TRAK1: variants seen among roughly 807,000 people sequenced by gnomAD.
The protein encoded by TRAK1 is trafficking kinesin-binding protein 1.
Under a neutral mutation model 92.1 loss-of-function variants are expected in TRAK1, and 33 were observed. The ratio of observed to expected loss-of-function variants is 0.36; its 90% confidence interval spans 0.27 to 0.48. The LOEUF is 0.48. Among genes scored for constraint, TRAK1 ranks in the 20% least tolerant of loss-of-function variants. The pLI, the probability that TRAK1 is intolerant of heterozygous loss-of-function variation, is 0.99. For synonymous variants in TRAK1, 521 were observed against 517.3 expected (o/e 1.01, Z -0.10); for missense variants, 1,123 against 1,257.9 (o/e 0.89, Z 1.62).
intron 14 of TRAK1, among the ~76,000 whole-genome samples, chr3:42,216,745 C>A (rs1215391581): frequency 2.0e-5 from 3 of 152,106 alleles, no homozygotes; most frequent in African/African-American, 7.2e-5. Flanking sequence ...ATTGGTAAAT[C>A]CAAATTCATT....
In TRAK1 at chr3:42,193,203, G is replaced by A. The variant is rs546714342; in HGVS notation, c.898G>A (p.Ala300Thr). 1.1e-5 allele frequency: 17 copies of A among 1,613,942 alleles called. No homozygotes were observed. In the East Asian group the frequency reaches 3.3e-4, roughly 32 times the overall value. ...AGTTGATTTGCAGAAAAAGGCAAAA[G>A]CTGTAAGGCTTCTCTGTTTATCTGG... ...QIVDLQKKAK[A>T]CAVENEELVQ... The change falls in exon 8 of 16, where the codon GCT becomes ACT. Residue 300 changes from alanine (A) to threonine (T), a missense_variant and splice_region_variant. By Grantham distance (58) the Ala-to-Thr change is moderately conservative. Coordinates refer to ENST00000327628, the MANE Select transcript of TRAK1 (RefSeq NM_001042646.3).
intron 2 of TRAK1, among the ~76,000 whole-genome samples, chr3:42,132,888 A>G (rs972595807): frequency 3.3e-5 from 5 of 152,088 alleles, no homozygotes; most frequent in African/African-American, 9.7e-5. Flanking sequence ...CGGAAAGTGG[A>G]TTGTTCCCCC....
intron 1 of TRAK1, among the ~76,000 whole-genome samples, chr3:42,082,048 T>C (rs1213307917): frequency 6.6e-6 from 1 of 152,156 alleles, no homozygotes; most frequent in Non-Finnish European, 1.5e-5. Context: ...CCCTTTTGAG[T>C]CTTGAGTGAG....
chr3:42,065,691 G>T (rs2148930945), intron 1 of TRAK1, among the ~76,000 whole-genome samples: 1 of 152,208 alleles, frequency 6.6e-6, no homozygotes, highest in East Asian at 1.9e-4. Context: ...GTGCAGTAGT[G>T]CCATCATGAC....
intron 1 of TRAK1, among the ~76,000 whole-genome samples, chr3:42,076,570 C>G (rs1044488080): frequency 1.3e-5 from 2 of 152,112 alleles, no homozygotes; most frequent in African/African-American, 4.8e-5. Context: ...AAAATTTTCT[C>G]CCATTCTGTG....
intron 1 of TRAK1, among the ~76,000 whole-genome samples, chr3:42,064,662 G>A (rs1399507131): frequency 6.6e-6 from 1 of 152,248 alleles, no homozygotes; most frequent in East Asian, 1.9e-4. Flanking sequence ...ATTTGTGCTA[G>A]ACTTCCTGAT....
chr3:42,109,865 C>T (rs1708092426), intron 1 of TRAK1, among the ~76,000 whole-genome samples: 1 of 151,798 alleles, frequency 6.6e-6, no homozygotes, highest in South Asian at 2.1e-4. Context: ...GAAAACCAAA[C>T]ACCGCATTTT....
At chr3:42,069,155 G>A (rs1703802842) in intron 1 of TRAK1, among the ~76,000 whole-genome samples, 1 of 151,896 alleles carries the variant, frequency 6.6e-6, no homozygotes. Flanking sequence ...GTGAGACCCT[G>A]ACTGTGTATA....
At chr3:42,219,622 G>C in intron 15 of TRAK1, 26 bp downstream of exon 15, 1 of 1,577,558 alleles carries the variant, frequency 6.3e-7, no homozygotes, top group African/African-American at 1.4e-5. Context: ...TTTGGGGTGG[G>C]CAGGGGTGGG....
chr3:42,100,961 C>A (rs1339599566), intron 1 of TRAK1, among the ~76,000 whole-genome samples: 1 of 152,250 alleles, frequency 6.6e-6, no homozygotes, highest in Non-Finnish European at 1.5e-5. Context: ...AGCCACCACG[C>A]CTGGCCAACT....
intron 14 of TRAK1, chr3:42,212,625 T>C (rs1226803628): frequency 1.2e-6 from 1 of 867,066 alleles, no homozygotes; most frequent in Non-Finnish European, 1.4e-6. Flanking sequence ...TAAAAAGTTT[T>C]AGATTATAGT....
chr3:42,014,523 A>C (rs1272766513), intron 1 of TRAK1, among the ~76,000 whole-genome samples: 1 of 152,232 alleles, frequency 6.6e-6, no homozygotes, highest in Admixed American at 6.5e-5. Context: ...GAGAGTTAAC[A>C]AGTTTACTTT....
chr3:42,044,975 T>A (rs192069444), intron 1 of TRAK1, among the ~76,000 whole-genome samples: 1 of 152,192 alleles, frequency 6.6e-6, no homozygotes, highest in African/African-American at 2.4e-5. Context: ...AAAGATTTGT[T>A]TTTTTTCCTA....
At chr3:42,159,340 G>C (rs1157100169) in intron 2 of TRAK1, among the ~76,000 whole-genome samples, 4 of 152,186 alleles carry the variant, frequency 2.6e-5, no homozygotes, top group Admixed American at 1.3e-4. Context: ...GTAGCTGGGA[G>C]ATGGCTGAAG....
intron 1 of TRAK1, among the ~76,000 whole-genome samples, chr3:42,110,207 A>C (rs1365738881): frequency 6.7e-6 from 1 of 150,214 alleles, no homozygotes. Flanking sequence ...AACACTTATA[A>C]AAACTGTCCA....
intron 2 of TRAK1, among the ~76,000 whole-genome samples, chr3:42,167,616 C>T (rs1702030061): frequency 1.3e-5 from 2 of 152,206 alleles, no homozygotes; most frequent in African/African-American, 4.8e-5. Context: ...CACGGTGGCT[C>T]ACGCCTGTAA....
chr3:42,209,364 G>A (rs1415981132), intron 13 of TRAK1, among the ~76,000 whole-genome samples: 9 of 152,078 alleles, frequency 5.9e-5, no homozygotes, highest in South Asian at 2.1e-4. Context: ...CATAGAATAC[G>A]TACATGTGGC....
chr3:42,103,595 C>A (rs192950975), intron 1 of TRAK1, among the ~76,000 whole-genome samples: 1 of 152,178 alleles, frequency 6.6e-6, no homozygotes, highest in Admixed American at 6.5e-5. Context: ...CGATGCTATT[C>A]GAGGGTACAC....
intron 1 of TRAK1, among the ~76,000 whole-genome samples, chr3:42,062,467 A>T (rs1703488579): frequency 6.6e-6 from 1 of 152,304 alleles, no homozygotes; most frequent in Middle Eastern, 3.4e-3. Flanking sequence ...ATTTTTTAAC[A>T]TTTCAGAATC....
Sources: gnomAD v4.1 joint callset for allele counts (sites outside exome capture counted in the v4.1 genomes callset) on GRCh38, gnomAD v4.1.1 for gene constraint, MANE v1.5 for transcripts, NCBI Gene and HGNC (gene_info 2026-07-23, HGNC 2026-07-21) for gene names.